RSPO2: variants seen among roughly 807,000 people sequenced by gnomAD.
RSPO2 encodes the protein R-spondin-2.
Under a neutral mutation model 30.9 loss-of-function variants are expected in RSPO2, and 14 were observed. That is an observed-to-expected ratio of 0.45 (90% CI 0.30 to 0.71). The LOEUF (loss-of-function observed/expected upper bound fraction) is 0.71, where lower values mean the gene tolerates loss of function less well. RSPO2 is among the 30% of genes least tolerant of loss of function. RSPO2 has a pLI of 0.08. For synonymous variants in RSPO2, 107 were observed against 96.4 expected, an observed-to-expected ratio of 1.11 and a Z score of -0.64; for missense variants, 264 against 301.9, an observed-to-expected ratio of 0.87 and a Z score of 0.93.
At chr8:107,990,595 G>T (rs1350836461) in intron 2 of RSPO2, among the ~76,000 whole-genome samples, 1 of 152,102 alleles carries the variant, frequency 6.6e-6, no homozygotes, top group Admixed American at 6.6e-5. Flanking sequence ...CTCATGGATA[G>T]AAGAATCAAT....
intron 2 of RSPO2, chr8:107,997,389 T>C (rs1388536111): frequency 6.6e-6 from 1 of 152,374 alleles, no homozygotes; most frequent in Non-Finnish European, 1.5e-5. Flanking sequence ...TTGATGACCA[T>C]GTTTATTTGC....
intron 2 of RSPO2, among the ~76,000 whole-genome samples, chr8:108,005,690 T>C (rs549540323): frequency 6.6e-6 from 1 of 152,316 alleles, no homozygotes; most frequent in African/African-American, 2.4e-5. Flanking sequence ...GTATTTTATG[T>C]GCATACTATC....
intron 2 of RSPO2, among the ~76,000 whole-genome samples, chr8:108,062,225 C>A (rs1812492764): frequency 6.6e-6 from 1 of 151,524 alleles, no homozygotes; most frequent in Non-Finnish European, 1.5e-5. Flanking sequence ...AAAAACCCTT[C>A]AAAAAAATCA....
At chr8:108,002,877 A>T (rs146618803) in intron 2 of RSPO2, among the ~76,000 whole-genome samples, 1 of 152,256 alleles carries the variant, frequency 6.6e-6, no homozygotes, top group East Asian at 1.9e-4. Context: ...TGCCTTAATA[A>T]AAAGCATATT....
chr8:108,019,425 C>T (rs1036927594), intron 2 of RSPO2, among the ~76,000 whole-genome samples: 5 of 151,902 alleles, frequency 3.3e-5, no homozygotes, highest in African/African-American at 1.2e-4. Context: ...ACCCATAAAA[C>T]CCTTTCCCAT....
At chr8:107,952,004 C>T (rs1813265606) in intron 5 of RSPO2, among the ~76,000 whole-genome samples, 1 of 152,100 alleles carries the variant, frequency 6.6e-6, no homozygotes, top group Non-Finnish European at 1.5e-5. Context: ...AAAACTACCA[C>T]CACCATCACC....
chr8:108,057,055 CAAAAAAAAAAAAAAAAAAAAAAAAAA>C (rs56727719), intron 2 of RSPO2, among the ~76,000 whole-genome samples: 1 of 36,070 alleles, frequency 2.8e-5, no homozygotes. Flanking sequence ...GACTCTGTCT[CAAAAAAAAAAAAAAAAAAAAAAAAAA>C]AAAAAAAAAA....
chr8:107,958,183 G>T lies in RSPO2; in HGVS notation c.513C>A (p.Thr171=). 1 of 1,613,672 alleles carries T rather than the reference G, an allele frequency of 6.2e-7. No homozygotes were observed. Among genetic ancestry groups the T allele is most frequent in the Non-Finnish European group, 8.5e-7 (1 of 1,179,772 alleles). Residue 171 remains threonine (T), a synonymous_variant, in exon 5 of 6, where the codon ACC becomes ACA. Transcript: ENST00000276659. ...GCTTTTTAACAATTTGCCGTGTTCT[G>T]GTTTCCAGACCCCATTTAAATCCAC... ...RTCGFKWGLE[T]RTRQIVKKPV...
At chr8:108,081,167 C>A (rs1813181210) in intron 2 of RSPO2, among the ~76,000 whole-genome samples, 1 of 152,022 alleles carries the variant, frequency 6.6e-6, no homozygotes, top group Non-Finnish European at 1.5e-5. Flanking sequence ...GATACAGAGA[C>A]AATTGAAGCG....
intron 2 of RSPO2, among the ~76,000 whole-genome samples, chr8:108,043,905 G>A (rs1811832389): frequency 6.6e-6 from 1 of 151,856 alleles, no homozygotes; most frequent in South Asian, 2.1e-4. Flanking sequence ...TTAGAAATAA[G>A]TTTTTAAAAA....
In RSPO2 at chr8:108,040,878, T is replaced by C. The variant is rs74878470; in HGVS notation, c.94+41667A>G. Among the ~76,000 whole-genome samples, 315 of 152,184 alleles carry C rather than the reference T, an allele frequency of 2.1e-3. 2 individuals carry two copies. The highest frequency in any genetic ancestry group is 7.1e-3 in the African/African-American group (295 of 41,536). On this transcript the variant is annotated intron_variant, in intron 2 of 5. Transcript: ENST00000276659. ...GGTGTGGAGGTCTAAAACAGAATAT[T>C]TGAAGATGTCAAATTGCCAACCTGT... is the stretch of plus-strand genomic sequence containing the variant.
intron 5 of RSPO2, among the ~76,000 whole-genome samples, chr8:107,952,248 T>C (rs773317935): frequency 3.3e-5 from 5 of 151,024 alleles, no homozygotes; most frequent in Admixed American, 2.7e-4. Flanking sequence ...ACTTATGGGT[T>C]ACCCTCCCAG....
At chr8:107,990,270 C>T (rs1162081623) in intron 2 of RSPO2, among the ~76,000 whole-genome samples, 1 of 151,930 alleles carries the variant, frequency 6.6e-6, no homozygotes, top group Non-Finnish European at 1.5e-5. Flanking sequence ...AGAAACGTTC[C>T]AATACATGAT....
intron 2 of RSPO2, among the ~76,000 whole-genome samples, chr8:108,058,020 G>C (rs1039805889): frequency 1.3e-5 from 2 of 152,126 alleles, no homozygotes; most frequent in African/African-American, 4.8e-5. Flanking sequence ...ATGTTGAATA[G>C]GAGTGGTGAG....
chr8:108,058,668 G>C (rs1812341290), intron 2 of RSPO2, among the ~76,000 whole-genome samples: 1 of 151,808 alleles, frequency 6.6e-6, no homozygotes, highest in Admixed American at 6.6e-5. Context: ...CAATGGAACA[G>C]AACAGAGCCC....
In RSPO2 at chr8:108,029,283, C is replaced by T. The variant is rs190917782; in HGVS notation, c.95-40039G>A. On this transcript the variant is annotated intron_variant, in intron 2 of 5. Coordinates refer to ENST00000276659, the MANE Select transcript of RSPO2 (RefSeq NM_178565.5). ...GGAGTTGCCACAGAGATCATATGAT[C>T]TTCAAAGCCTAAAATATTTCCTCTC... Among the ~76,000 whole-genome samples, 866 of 151,940 alleles carry T rather than the reference C, an allele frequency of 5.7e-3. 2 individuals are homozygous for T. Among genetic ancestry groups the T allele is most frequent in the Middle Eastern group, 0.014 (4 of 292 alleles).
intron 5 of RSPO2, among the ~76,000 whole-genome samples, chr8:107,917,306 G>A (rs1448937511): frequency 1.3e-5 from 2 of 152,080 alleles, no homozygotes; most frequent in Non-Finnish European, 2.9e-5. Context: ...CCAACATGGT[G>A]AAACCCCATC....
At chr8:108,011,407 G>A (rs975582650) in intron 2 of RSPO2, among the ~76,000 whole-genome samples, 4 of 152,142 alleles carry the variant, frequency 2.6e-5, no homozygotes, top group Admixed American at 1.3e-4. Context: ...AAGGTAGTAT[G>A]AATCAGTTTT....
rs1811412276 is a variant in RSPO2, at chr8:107,900,323, T to C, written c.*752A>G. The C allele has an allele frequency of 6.7e-6, 1 of 150,274 alleles. No homozygotes were observed. Among genetic ancestry groups the C allele is most frequent in the Admixed American group, 6.6e-5 (1 of 15,078 alleles). 9.3% of individuals were successfully genotyped at this position (150,274 alleles called of 1,614,324 possible). A position where few individuals can be genotyped will look rare whatever the true frequency, so the allele number is the denominator to read the frequency against. ...TTTATCCTACCCTTACAATGAGAAA[T>C]AAGCCCACAATGAGGGGAAAAAAAA... On this transcript the variant is annotated 3_prime_UTR_variant, in exon 6 of 6. Coordinates refer to ENST00000276659, the MANE Select transcript of RSPO2 (RefSeq NM_178565.5).
Sources: gnomAD v4.1 joint callset for allele counts (sites outside exome capture counted in the v4.1 genomes callset) on GRCh38, gnomAD v4.1.1 for gene constraint, MANE v1.5 for transcripts, NCBI Gene and HGNC (gene_info 2026-07-23, HGNC 2026-07-21) for gene names.